DAB1: variants seen among roughly 807,000 people sequenced by gnomAD.
DAB1 encodes DAB adaptor protein 1.
DAB1 carries 15 observed loss-of-function variants against 64.6 expected under a neutral mutation model. The observed-to-expected ratio is 0.23, with a 90% CI of 0.16 to 0.36. DAB1 has a LOEUF of 0.36. Ranked by LOEUF, DAB1 falls within the 10% of genes least tolerant of loss-of-function variation. The pLI is 1.00. For missense variants in DAB1, 596 were observed against 706.7 expected, an observed-to-expected ratio of 0.84 and a Z score of 1.78; for synonymous variants, 235 against 251.9, an observed-to-expected ratio of 0.93 and a Z score of 0.64.
At chr1:57,030,095 G>A (rs1474049152) in intron 9 of DAB1, among the ~76,000 whole-genome samples, 1 of 152,094 alleles carries the variant, frequency 6.6e-6, no homozygotes, top group Admixed American at 6.5e-5. Flanking sequence ...AGGGACCCAG[G>A]GGGAGTTAAT....
At chr1:57,743,877 C>A (rs1648127678) in intron 6 of DAB1, among the ~76,000 whole-genome samples, 1 of 152,212 alleles carries the variant, frequency 6.6e-6, no homozygotes, top group Non-Finnish European at 1.5e-5. Flanking sequence ...ATTAAATTAA[C>A]TAAAAATATC....
chr1:57,370,123 C>T (rs1412950031), intron 1 of DAB1, among the ~76,000 whole-genome samples: 2 of 152,174 alleles, frequency 1.3e-5, no homozygotes, highest in Admixed American at 6.5e-5. Flanking sequence ...ATTTCTAATG[C>T]TGTACTCTAC....
chr1:57,072,271 A>G lies in DAB1; in HGVS notation c.438+12T>C. 1 of 1,612,932 alleles carries G rather than the reference A, an allele frequency of 6.2e-7. No homozygotes were observed. The highest frequency in any genetic ancestry group is 8.5e-7 in the Non-Finnish European group (1 of 1,179,224). Reference sequence around the variant, plus strand: ...CCAAGGAAAGACTCCCTTCTTGGATAGGGATACTCACCGCCTGGGCTGTTT... The same window carrying G: ...CCAAGGAAAGACTCCCTTCTTGGATGGGGATACTCACCGCCTGGGCTGTTT... On this transcript the variant is annotated intron_variant, in intron 5 of 14. Coordinates refer to ENST00000371236, the MANE Select transcript of DAB1 (RefSeq NM_001365792.1).
At chr1:57,503,807 C>G (rs935407867) in intron 7 of DAB1, among the ~76,000 whole-genome samples, 1 of 152,200 alleles carries the variant, frequency 6.6e-6, no homozygotes, top group Non-Finnish European at 1.5e-5. Context: ...CCAGGAAGTC[C>G]TCCCTAATCT....
At chr1:57,076,970 A>G (rs78902686) in intron 4 of DAB1, among the ~76,000 whole-genome samples, 3,334 of 152,278 alleles carry the variant, frequency 0.022, 112 homozygotes, top group African/African-American at 0.076. Flanking sequence ...TTCTTCAAGG[A>G]GTTCACAATC....
intron 2 of DAB1, among the ~76,000 whole-genome samples, chr1:57,179,418 G>A (rs1447072332): frequency 1.3e-5 from 2 of 152,220 alleles, no homozygotes; most frequent in Non-Finnish European, 2.9e-5. Context: ...AGAGCTCAGG[G>A]AGGGACAACA....
At chr1:57,112,116 G>T (rs1215566621) in intron 4 of DAB1, among the ~76,000 whole-genome samples, 1 of 152,130 alleles carries the variant, frequency 6.6e-6, no homozygotes, top group African/African-American at 2.4e-5. Context: ...TTACTCTAGG[G>T]TTTAGAGAAA....
At chr1:57,521,151 C>T (rs1052309716) in intron 7 of DAB1, among the ~76,000 whole-genome samples, 1 of 152,190 alleles carries the variant, frequency 6.6e-6, no homozygotes, top group African/African-American at 2.4e-5. Flanking sequence ...TCCAGACAAG[C>T]TTTCTCTGCT....
intron 2 of DAB1, among the ~76,000 whole-genome samples, chr1:57,181,980 G>A (rs1344190024): frequency 1.3e-5 from 2 of 152,172 alleles, no homozygotes; most frequent in African/African-American, 4.8e-5. Flanking sequence ...CTGCCTCCTG[G>A]GTTCAAGTGA....
At chr1:57,150,900 A>G (rs1438692328) in intron 2 of DAB1, among the ~76,000 whole-genome samples, 1 of 152,182 alleles carries the variant, frequency 6.6e-6, no homozygotes. Context: ...GTGCACCTGC[A>G]ATCCCAGCAC....
At chr1:57,828,548 T>C (rs1223655984) in intron 1 of DAB1, among the ~76,000 whole-genome samples, 1 of 152,146 alleles carries the variant, frequency 6.6e-6, no homozygotes, top group Admixed American at 6.5e-5. Context: ...GATTGAAATA[T>C]TGGAATCAAG....
rs1659042247 is a variant in DAB1, at chr1:58,219,460, C to A, written n.310-68872G>T. The stretch of plus-strand genomic sequence containing the variant: ...TCTGGTCTGAATCACCAGGACCAGA[C>A]TGGGCCTACCCAATCTCCACTCCCA... On this transcript the variant is annotated intron_variant and non_coding_transcript_variant, in intron 4 of 20. Transcript: ENST00000485760. 2.0e-5 allele frequency among the ~76,000 whole-genome samples: 3 copies of A among 152,162 alleles called. No homozygotes were observed. In the South Asian group the frequency reaches 6.2e-4, roughly 32 times the overall value.
intron 4 of DAB1, among the ~76,000 whole-genome samples, chr1:58,300,370 AC>A (rs1484327255): frequency 6.6e-6 from 1 of 151,632 alleles, no homozygotes; most frequent in Non-Finnish European, 1.5e-5. Flanking sequence ...ACATGGTGAA[AC>A]CCCGTCTCTA....
At chr1:57,419,524 A>T (rs1684743836) in intron 1 of DAB1, among the ~76,000 whole-genome samples, 1 of 152,056 alleles carries the variant, frequency 6.6e-6, no homozygotes, top group Non-Finnish European at 1.5e-5. Flanking sequence ...TTTGCCTAAA[A>T]TCCTAAAATG....
chr1:57,060,441 C>T (rs183510159), intron 9 of DAB1, among the ~76,000 whole-genome samples: 46 of 152,258 alleles, frequency 3.0e-4, no homozygotes, highest in African/African-American at 1.0e-3. Flanking sequence ...TGAGCCACCG[C>T]CCCTGGCCTT....
intron 4 of DAB1, among the ~76,000 whole-genome samples, chr1:58,217,671 T>C (rs1658928313): frequency 6.6e-6 from 1 of 152,194 alleles, no homozygotes; most frequent in Non-Finnish European, 1.5e-5. Context: ...TCTCCCATTT[T>C]AGAGATAAAG....
chr1:57,469,969 A>G (rs1305837129), intron 7 of DAB1, among the ~76,000 whole-genome samples: 1 of 152,242 alleles, frequency 6.6e-6, no homozygotes, highest in Non-Finnish European at 1.5e-5. Context: ...ATTATTTCAT[A>G]TAACACCTAT....
At chr1:58,093,756 G>C (rs1014055968) in intron 5 of DAB1, among the ~76,000 whole-genome samples, 7 of 151,940 alleles carry the variant, frequency 4.6e-5, no homozygotes, top group African/African-American at 1.5e-4. Context: ...GCAACCTAAG[G>C]ACACCAATAT....
intron 5 of DAB1, among the ~76,000 whole-genome samples, chr1:58,054,516 C>A (rs1447320133): frequency 1.3e-5 from 2 of 152,176 alleles, no homozygotes; most frequent in Non-Finnish European, 2.9e-5. Context: ...GAGAAACCTG[C>A]ATCTCCTAAC....
Sources: allele counts gnomAD v4.1 joint callset (sites outside exome capture counted in the v4.1 genomes callset), GRCh38; gene constraint gnomAD v4.1.1; transcripts MANE v1.5; gene names NCBI Gene and HGNC (gene_info 2026-07-23, HGNC 2026-07-21).